The following KHDRBS2 variants were observed in gnomAD, a reference collection of about 807,000 sequenced individuals.
KHDRBS2 encodes the protein KH RNA binding domain containing, signal transduction associated 2, also known as KH domain-containing, RNA-binding, signal transduction-associated protein 2.
Under a neutral mutation model 44.3 loss-of-function variants are expected in KHDRBS2, and 26 were observed. The ratio of observed to expected loss-of-function variants is 0.59; its 90% CI spans 0.43 to 0.81. KHDRBS2 has a LOEUF of 0.81. Among genes scored for constraint, KHDRBS2 ranks in the 40% least tolerant of loss-of-function variants. The probability of loss-of-function intolerance (pLI) is 0.00; values close to 1 mark genes in which losing one functional copy is unlikely to be tolerated. For synonymous variants in KHDRBS2, 194 were observed against 151.1 expected, an observed-to-expected ratio of 1.28 and a Z score of -2.08; for missense variants, 476 against 433.1, an observed-to-expected ratio of 1.10 and a Z score of -0.88.
At chr6:61,947,393 C>A (rs1410110236) in intron 4 of KHDRBS2, among the ~76,000 whole-genome samples, 1 of 152,142 alleles carries the variant, frequency 6.6e-6, no homozygotes, top group Non-Finnish European at 1.5e-5. Flanking sequence ...TTTCATAGAT[C>A]CAGTTCCTGA....
chr6:62,229,284 C>G (rs1175243554), intron 1 of KHDRBS2, among the ~76,000 whole-genome samples: 1 of 152,128 alleles, frequency 6.6e-6, no homozygotes, highest in Non-Finnish European at 1.5e-5. Flanking sequence ...GGCACTCGGT[C>G]TACAGTATGC....
At chr6:61,552,602 G>T in the KHDRBS2 span, among the ~76,000 whole-genome samples, 1 of 152,014 alleles carries the variant, frequency 6.6e-6, no homozygotes, top group Admixed American at 6.6e-5. Context: ...GCTTTCAACT[G>T]CTCCCCATTC....
intron 1 of KHDRBS2, among the ~76,000 whole-genome samples, chr6:62,260,591 A>T (rs1002657531): frequency 5.9e-5 from 9 of 151,898 alleles, no homozygotes; most frequent in African/African-American, 2.2e-4. Context: ...GGTATTCAGA[A>T]TTTTTTTTAA....
chr6:62,129,172 G>A (rs1202817349), intron 2 of KHDRBS2, among the ~76,000 whole-genome samples: 1 of 152,084 alleles, frequency 6.6e-6, no homozygotes, highest in Non-Finnish European at 1.5e-5. Flanking sequence ...GATTAAAACA[G>A]TGTGAAATGA....
chr6:61,574,361 T>G, the KHDRBS2 span: 1 of 1,527,340 alleles, frequency 6.5e-7, no homozygotes, highest in African/African-American at 1.4e-5. Context: ...TCTCTTACTT[T>G]CAACCACTGC....
intron 6 of KHDRBS2, among the ~76,000 whole-genome samples, chr6:61,748,957 A>C (rs114883074): frequency 0.041 from 6,262 of 151,258 alleles, 164 homozygotes; most frequent in East Asian, 0.09. Context: ...AATTTTATTT[A>C]ATTTTAATTT....
At chr6:62,058,821 G>T (rs1464044363) in intron 2 of KHDRBS2, among the ~76,000 whole-genome samples, 1 of 151,430 alleles carries the variant, frequency 6.6e-6, no homozygotes, top group Non-Finnish European at 1.5e-5. Context: ...GAGTATTGAA[G>T]AAAACAGAGA....
intron 2 of KHDRBS2, among the ~76,000 whole-genome samples, chr6:62,064,874 C>T (rs1183838164): frequency 1.2e-4 from 18 of 149,502 alleles, no homozygotes; most frequent in African/African-American, 3.7e-4. Context: ...ATTTTCGCAA[C>T]CTACTCATCT....
intron 6 of KHDRBS2, among the ~76,000 whole-genome samples, chr6:61,745,279 T>A (rs956241033): frequency 6.6e-6 from 1 of 152,178 alleles, no homozygotes; most frequent in Non-Finnish European, 1.5e-5. Flanking sequence ...ATGTTAACTT[T>A]GTATTTTTTG....
intron 2 of KHDRBS2, among the ~76,000 whole-genome samples, chr6:62,130,781 T>C (rs938651433): frequency 6.6e-6 from 1 of 151,978 alleles, no homozygotes; most frequent in Non-Finnish European, 1.5e-5. Flanking sequence ...CTACAGTTGG[T>C]CAAAAATGAT....
chr6:62,014,880 T>G (rs1780927487), intron 3 of KHDRBS2, among the ~76,000 whole-genome samples: 1 of 152,148 alleles, frequency 6.6e-6, no homozygotes, highest in African/African-American at 2.4e-5. Flanking sequence ...AAGAAAATAA[T>G]AAGAATGTGG....
intron 6 of KHDRBS2, among the ~76,000 whole-genome samples, chr6:61,867,995 G>C (rs555070225): frequency 7.9e-5 from 12 of 152,158 alleles, no homozygotes; most frequent in Non-Finnish European, 1.6e-4. Flanking sequence ...GTGCTATGTT[G>C]GGGGATCCCT....
rs548413374 is a variant in KHDRBS2, at chr6:61,795,195, C to T, written c.811-62431G>A. Among the ~76,000 whole-genome samples the T allele has an allele frequency of 9.1e-5, 13 of 143,028 alleles. No individual in the cohort carries two copies. The South Asian group carries it at 1.9e-3, about 20-fold the overall frequency. 93.8% of individuals were successfully genotyped at this position (143,028 alleles called of 152,430 possible). On this transcript the variant is annotated intron_variant, in intron 6 of 8. Coordinates refer to ENST00000281156, the MANE Select transcript of KHDRBS2 (RefSeq NM_152688.4). ...AGAAAAACATATTTTAGTTTTTCTA[C>T]ACTACTTTCTAATTATACACATAGG...
downstream of KHDRBS2, among the ~76,000 whole-genome samples, chr6:61,679,297 A>T (rs2127536900): frequency 6.6e-6 from 1 of 152,026 alleles, no homozygotes; most frequent in South Asian, 2.1e-4. Flanking sequence ...TGTTAATTTT[A>T]GTTCTGTTTA....
intron 1 of KHDRBS2, among the ~76,000 whole-genome samples, chr6:62,207,074 G>T (rs1828111806): frequency 6.6e-6 from 1 of 151,978 alleles, no homozygotes; most frequent in South Asian, 2.1e-4. Flanking sequence ...CTTTAATTTT[G>T]TAGGGTTAAG....
chr6:62,192,815 G>A (rs1824890029), intron 1 of KHDRBS2, among the ~76,000 whole-genome samples: 1 of 152,120 alleles, frequency 6.6e-6, no homozygotes, highest in South Asian at 2.1e-4. Flanking sequence ...TTGGGAAGTA[G>A]AAGGTGATGC....
intron 6 of KHDRBS2, among the ~76,000 whole-genome samples, chr6:61,771,511 GA>G (rs1231180031): frequency 2.6e-5 from 4 of 151,668 alleles, no homozygotes; most frequent in African/African-American, 9.7e-5. Context: ...GCAAATGGAA[GA>G]CAAAAAAAGG....
At chr6:61,935,528 A>T (rs1018440773) in intron 4 of KHDRBS2, among the ~76,000 whole-genome samples, 19 of 152,146 alleles carry the variant, frequency 1.2e-4, no homozygotes, top group African/African-American at 4.6e-4. Context: ...ACATTTTATT[A>T]CCCAAACAAT....
chr6:61,725,729 A>G (rs1477335579), intron 7 of KHDRBS2, among the ~76,000 whole-genome samples: 3 of 152,084 alleles, frequency 2.0e-5, no homozygotes, highest in African/African-American at 7.2e-5. Flanking sequence ...CTATGCCTTC[A>G]TAAGACTAAG....
Sources: allele counts gnomAD v4.1 joint callset (sites outside exome capture counted in the v4.1 genomes callset), GRCh38; gene constraint gnomAD v4.1.1; transcripts MANE v1.5; gene names NCBI Gene and HGNC (gene_info 2026-07-23, HGNC 2026-07-21).